Variants in PKD2 observed in about 807,000 individuals in gnomAD.
PKD2 encodes polycystin 2, transient receptor potential cation channel.
Under a neutral mutation model 105.9 loss-of-function variants are expected in PKD2, and 48 were observed. That is an observed-to-expected ratio of 0.45 (90% CI 0.36 to 0.58). The LOEUF (loss-of-function observed/expected upper bound fraction) is 0.58. Ranked by LOEUF, PKD2 falls within the 20% of genes least tolerant of loss-of-function variation. PKD2 has a pLI of 0.00. For synonymous variants in PKD2, 464 were observed against 481.1 expected (o/e 0.96, Z 0.46); for missense variants, 1,078 against 1,255.3 (o/e 0.86, Z 2.13).
At chr4:88,060,441 C>CATATATAT (rs60801876) in intron 9 of PKD2, among the ~76,000 whole-genome samples, 12,235 of 147,356 alleles carry the variant, frequency 0.083, 1,589 homozygotes, top group African/African-American at 0.28. Context: ...CCACTATATC[C>CATATATAT]ATATATATAT....
chr4:88,046,556 C>T (rs1727777031), intron 5 of PKD2, 86 bp from the exon 6 acceptor site: 2 of 833,082 alleles, frequency 2.4e-6, no homozygotes, highest in Non-Finnish European at 4.2e-6. Flanking sequence ...CCTTGTAATG[C>T]ATGAACAGAA....
chr4:88,019,437 T>C (rs569812727), intron 1 of PKD2, 21 bp from the exon 2 acceptor site: 2 of 1,175,070 alleles, frequency 1.7e-6, no homozygotes, highest in South Asian at 2.5e-5. Context: ...ATCTTTTCTT[T>C]TCTTCATTAT....
At chr4:88,021,053 T>C (rs1413506007) in intron 2 of PKD2, among the ~76,000 whole-genome samples, 1 of 152,228 alleles carries the variant, frequency 6.6e-6, no homozygotes, top group Non-Finnish European at 1.5e-5. Context: ...GCTGCCTGCA[T>C]TAAAATGATG....
intron 7 of PKD2, among the ~76,000 whole-genome samples, chr4:88,053,197 A>G (rs867357189): frequency 6.6e-5 from 10 of 152,176 alleles, no homozygotes; most frequent in Non-Finnish European, 1.3e-4. Context: ...CCTTGGTCCT[A>G]CTGGCCACAC....
chr4:88,062,014 A>G lies in PKD2; in HGVS notation c.2118+10A>G, dbSNP rs1421856800. On this transcript the variant is annotated intron_variant, in intron 10 of 14. Transcript: ENST00000237596. ...AGATCTTATCAGAAAGGTAGGAAAA[A>G]CCTTAATTCTCAGAATTCTTCTGTT... 2 of 1,295,386 alleles carry G rather than the reference A, an allele frequency of 1.5e-6. No individual in the cohort carries two copies. The highest frequency in any genetic ancestry group is 1.1e-6 in the Non-Finnish European group (1 of 890,200). 80.2% of individuals were successfully genotyped at this position (1,295,386 alleles called of 1,614,324 possible).
At chr4:88,040,808 C>G (rs1266257657) in intron 4 of PKD2, among the ~76,000 whole-genome samples, 1 of 152,184 alleles carries the variant, frequency 6.6e-6, no homozygotes, top group South Asian at 2.1e-4. Flanking sequence ...TTCTCTTATT[C>G]CCAGGTTCTA....
intron 1 of PKD2, among the ~76,000 whole-genome samples, chr4:88,010,611 G>A (rs759645152): frequency 4.6e-5 from 7 of 152,222 alleles, no homozygotes; most frequent in Non-Finnish European, 1.0e-4. Flanking sequence ...AATGACTGAA[G>A]TTTGGAGTGG....
chr4:88,017,410 G>C (rs1726596937), intron 1 of PKD2, among the ~76,000 whole-genome samples: 1 of 152,120 alleles, frequency 6.6e-6, no homozygotes, highest in South Asian at 2.1e-4. Context: ...AGTTTAGCTT[G>C]AATATTATTA....
chr4:88,038,869 CTT>C (rs1013902604), intron 4 of PKD2, among the ~76,000 whole-genome samples: 8 of 152,108 alleles, frequency 5.3e-5, no homozygotes, highest in Non-Finnish European at 1.2e-4. Context: ...TTCAGGAACT[CTT>C]TTTATAGGTC....
At chr4:88,041,760 C>T (rs573482580) in intron 4 of PKD2, among the ~76,000 whole-genome samples, 1 of 152,336 alleles carries the variant, frequency 6.6e-6, no homozygotes, top group South Asian at 2.1e-4. Context: ...GCAAGCCTCT[C>T]TTACCGGTCA....
chr4:88,074,438 C>T (rs897010538), intron 13 of PKD2, among the ~76,000 whole-genome samples: 22 of 152,110 alleles, frequency 1.4e-4, no homozygotes, highest in African/African-American at 5.1e-4. Context: ...ATGCCCTACC[C>T]CCCCATCAAT....
In PKD2 at chr4:88,043,323, G is replaced by A. The variant is rs1271794714; in HGVS notation, c.1185G>A (p.Leu395=). The A allele has an allele frequency of 3.1e-6, 5 of 1,613,744 alleles. No individual in the cohort carries two copies. The South Asian group carries it at 5.5e-5, about 18-fold the overall frequency. Residue 395 remains leucine, a synonymous_variant, in exon 5 of 15, where the codon TTG becomes TTA. Transcript: ENST00000237596. ...GTGGAGCTGGCTATTATCTGGATTT[G>A]TCAAGAACAAGAGAGGAAACAGCTG... ...TYSGAGYYLD[L]SRTREETAAQ...
chr4:88,016,127 G>A (rs983720228), intron 1 of PKD2, among the ~76,000 whole-genome samples: 7 of 152,130 alleles, frequency 4.6e-5, no homozygotes, highest in African/African-American at 7.2e-5. Flanking sequence ...GGCGGAGCTC[G>A]GGCGGTAATG....
rs199723110 is a variant in PKD2, at chr4:88,061,928, A to G, written c.2042A>G (p.Asn681Ser). The G allele has an allele frequency of 2.1e-5, 32 of 1,559,082 alleles. No individual in the cohort carries two copies. Among genetic ancestry groups the G allele is most frequent in the Admixed American group, 5.0e-5 (3 of 59,932 alleles). ...ILLNMFLAIINDTYSEVKSDL... is the reference protein window; with the variant it reads ...ILLNMFLAIISDTYSEVKSDL... The stretch of plus-strand genomic sequence containing the variant: ...CAGAATATGTTTTTGGCTATCATCA[A>G]TGATACTTACTCTGAAGTGAAATCT... Residue 681 changes from asparagine to serine, a missense_variant, in exon 10 of 15, where the codon AAT becomes AGT. By Grantham distance (46) the Asn-to-Ser change is conservative. This residue lies in a region of PKD2 where 868 missense variants were observed against 1,067.3 expected (regional missense o/e 0.81). Coordinates refer to ENST00000237596, the MANE Select transcript of PKD2 (RefSeq NM_000297.4).
intron 7 of PKD2, among the ~76,000 whole-genome samples, chr4:88,055,350 G>C (rs1720283953): frequency 6.6e-6 from 1 of 152,142 alleles, no homozygotes. Context: ...TTTGTGTGAA[G>C]TTTTTTCCCT....
chr4:88,066,430 C>T (rs1268429167), intron 12 of PKD2, among the ~76,000 whole-genome samples: 3 of 149,882 alleles, frequency 2.0e-5, no homozygotes, highest in Admixed American at 1.3e-4. Flanking sequence ...GGCACAATCG[C>T]GACTCACTGC....
intron 2 of PKD2, among the ~76,000 whole-genome samples, chr4:88,024,980 A>G (rs1217962029): frequency 6.6e-6 from 1 of 152,076 alleles, no homozygotes; most frequent in African/African-American, 2.4e-5. Flanking sequence ...TAAAAATACA[A>G]AAACTAGCCA....
intron 5 of PKD2, 54 bp from the exon 6 acceptor site, chr4:88,046,588 C>A: frequency 1.9e-6 from 2 of 1,026,952 alleles, no homozygotes; most frequent in Non-Finnish European, 3.1e-6. Context: ...CCATTCCTGG[C>A]TGTATTCATG....
At chr4:88,043,674 A>G (rs1727663385) in intron 5 of PKD2, among the ~76,000 whole-genome samples, 2 of 152,226 alleles carry the variant, frequency 1.3e-5, no homozygotes, top group South Asian at 4.1e-4. Flanking sequence ...GTTGGAAAGA[A>G]CCATAACTCT....
Sources: gnomAD v4.1 joint callset for allele counts (sites outside exome capture counted in the v4.1 genomes callset) on GRCh38, gnomAD v4.1.1 for gene constraint, gnomAD v4.1.1 regional missense constraint, MANE v1.5 for transcripts, NCBI Gene and HGNC (gene_info 2026-07-23, HGNC 2026-07-21) for gene names.